The following DACH1 variants were observed in gnomAD, a reference collection of about 807,000 sequenced individuals.
The protein encoded by DACH1 is dachshund family transcription factor 1.
Under a neutral mutation model 54.2 loss-of-function variants are expected in DACH1, and 12 were observed. The ratio of observed to expected loss-of-function variants is 0.22; its 90% CI spans 0.14 to 0.36. The LOEUF is 0.36. Ranked by LOEUF, DACH1 falls within the 10% of genes least tolerant of loss-of-function variation. The pLI is 1.00. For synonymous variants in DACH1, 386 were observed against 366.2 expected, an observed-to-expected ratio of 1.05 and a Z score of -0.62; for missense variants, 805 against 929.8, an observed-to-expected ratio of 0.87 and a Z score of 1.75.
At chr13:71,681,995 T>C in intron 1 of DACH1, 85 bp from the exon 2 acceptor site, 1 of 720,756 alleles carries the variant, frequency 1.4e-6, no homozygotes. Context: ...TAACATGGAC[T>C]GTAAATAAAT....
At chr13:71,461,453 T>C (rs1281240837) in intron 10 of DACH1, among the ~76,000 whole-genome samples, 3 of 152,020 alleles carry the variant, frequency 2.0e-5, no homozygotes, top group Non-Finnish European at 2.9e-5. Context: ...CTTACTATTA[T>C]CAGAGAACAT....
intron 1 of DACH1, among the ~76,000 whole-genome samples, chr13:71,766,184 C>G (rs1280511972): frequency 1.3e-5 from 2 of 152,138 alleles, no homozygotes; most frequent in Non-Finnish European, 2.9e-5. Context: ...CCACGCCTGG[C>G]CTCAAAAAGA....
chr13:71,447,199 T>C (rs1874544532), intron 10 of DACH1, among the ~76,000 whole-genome samples: 1 of 152,154 alleles, frequency 6.6e-6, no homozygotes, highest in Non-Finnish European at 1.5e-5. Flanking sequence ...AGAAAATAAA[T>C]TGAAGAAAAA....
intron 6 of DACH1, among the ~76,000 whole-genome samples, chr13:71,523,816 G>A (rs1176178944): frequency 6.6e-6 from 1 of 152,024 alleles, no homozygotes; most frequent in African/African-American, 2.4e-5. Flanking sequence ...CGAATAACGT[G>A]TTTTGTCATA....
intron 3 of DACH1, among the ~76,000 whole-genome samples, chr13:71,578,107 C>T (rs1450519493): frequency 6.6e-6 from 1 of 152,124 alleles, no homozygotes; most frequent in Non-Finnish European, 1.5e-5. Flanking sequence ...TACTGTATTA[C>T]TATCATTTAT....
chr13:71,463,337 C>T (rs1214185277), intron 10 of DACH1, among the ~76,000 whole-genome samples: 1 of 151,732 alleles, frequency 6.6e-6, no homozygotes, highest in East Asian at 1.9e-4. Flanking sequence ...ATGAAAATGC[C>T]TTTTTACTAA....
chr13:71,797,689 G>T (rs1202615028), intron 1 of DACH1, among the ~76,000 whole-genome samples: 1 of 152,056 alleles, frequency 6.6e-6, no homozygotes, highest in Non-Finnish European at 1.5e-5. Context: ...GATTTATTGA[G>T]TGAGCTTCAC....
intron 1 of DACH1, among the ~76,000 whole-genome samples, chr13:71,793,604 C>A (rs960104605): frequency 3.9e-5 from 6 of 152,092 alleles, no homozygotes; most frequent in African/African-American, 1.4e-4. Flanking sequence ...GGTGCAATCT[C>A]ACTGCAGCCT....
chr13:71,787,820 G>T (rs1216901947), intron 1 of DACH1, among the ~76,000 whole-genome samples: 1 of 152,090 alleles, frequency 6.6e-6, no homozygotes, highest in African/African-American at 2.4e-5. Flanking sequence ...AAGGAAGCAA[G>T]GATTGAATAT....
rs189829277 is a variant in DACH1 at position 71,823,215 on chromosome 13, C to T, written c.848+42707G>A. 2.7e-3 allele frequency among the ~76,000 whole-genome samples: 406 copies of T among 152,156 alleles called. 3 individuals carry two copies. The highest frequency in any genetic ancestry group is 9.4e-3 in the African/African-American group (389 of 41,542). On this transcript the variant is annotated intron_variant, in intron 1 of 10. Coordinates refer to ENST00000613252, the MANE Select transcript of DACH1 (RefSeq NM_080759.6). ...CCTTTTGCAAGCTGTAAAGATAAGA[C>T]AGCAAAATTATTCAATCTTTTGTTT...
At chr13:71,820,822 G>C (rs962362811) in intron 1 of DACH1, among the ~76,000 whole-genome samples, 5 of 152,156 alleles carry the variant, frequency 3.3e-5, no homozygotes, top group Non-Finnish European at 7.3e-5. Flanking sequence ...AGTGGAAGGA[G>C]AGGTATATTA....
chr13:71,557,836 C>A, intron 5 of DACH1, among the ~76,000 whole-genome samples: 2 of 144,186 alleles, frequency 1.4e-5, no homozygotes, highest in South Asian at 2.2e-4. Flanking sequence ...AATAAATGGC[C>A]TGTACTAAAA....
intron 2 of DACH1, 111 bp from the exon 3 acceptor site, chr13:71,630,828 T>C: frequency 8.1e-7 from 1 of 1,240,902 alleles, no homozygotes; most frequent in Non-Finnish European, 1.1e-6. Flanking sequence ...TCTGATTCCT[T>C]TATGCAACAC....
At chr13:71,821,990 G>A (rs1309598967) in intron 1 of DACH1, among the ~76,000 whole-genome samples, 6 of 151,968 alleles carry the variant, frequency 3.9e-5, no homozygotes, top group Non-Finnish European at 7.4e-5. Flanking sequence ...GAACCCGAAA[G>A]GCAGAGGTTG....
chr13:71,779,476 AAT>A (rs1487453969), intron 1 of DACH1, among the ~76,000 whole-genome samples: 3 of 151,036 alleles, frequency 2.0e-5, no homozygotes, highest in Non-Finnish European at 4.4e-5. Flanking sequence ...GGCAACGCAA[AAT>A]ATACTTTGAG....
At chr13:71,521,846 A>T (rs748377023) in intron 6 of DACH1, among the ~76,000 whole-genome samples, 1 of 152,090 alleles carries the variant, frequency 6.6e-6, no homozygotes, top group Non-Finnish European at 1.5e-5. Flanking sequence ...CTACTTAAAC[A>T]CCATACTGTC....
intron 1 of DACH1, among the ~76,000 whole-genome samples, chr13:71,826,745 T>C (rs760546264): frequency 6.6e-5 from 10 of 152,118 alleles, no homozygotes; most frequent in Non-Finnish European, 1.5e-4. Flanking sequence ...ATATGTATAT[T>C]CCGAAGTAGA....
At chr13:71,824,061 G>T (rs553806795) in intron 1 of DACH1, among the ~76,000 whole-genome samples, 2 of 151,798 alleles carry the variant, frequency 1.3e-5, no homozygotes, top group South Asian at 2.1e-4. Flanking sequence ...TGTAATAAAA[G>T]AACTAATACA....
At chr13:71,531,079 T>C (rs1882383514) in intron 6 of DACH1, among the ~76,000 whole-genome samples, 1 of 152,084 alleles carries the variant, frequency 6.6e-6, no homozygotes, top group Non-Finnish European at 1.5e-5. Flanking sequence ...TGAAAAATTT[T>C]ATAATTTATG....
Sources: allele counts gnomAD v4.1 joint callset (sites outside exome capture counted in the v4.1 genomes callset), GRCh38; gene constraint gnomAD v4.1.1; transcripts MANE v1.5; gene names NCBI Gene and HGNC (gene_info 2026-07-23, HGNC 2026-07-21).